MSTO1: variants seen among roughly 807,000 people sequenced by gnomAD.
MSTO1 encodes protein misato homolog 1.
Under a neutral mutation model 55.7 loss-of-function variants are expected in MSTO1, and 24 were observed. The ratio of observed to expected loss-of-function variants is 0.43; its 90% CI spans 0.31 to 0.61. MSTO1 has a LOEUF of 0.61. Among genes scored for constraint, MSTO1 ranks in the 20% least tolerant of loss-of-function variants. The pLI, the probability that MSTO1 is intolerant of heterozygous loss-of-function variation, is 0.09. For synonymous variants in MSTO1, 162 were observed against 252.8 expected, an observed-to-expected ratio of 0.64 and a Z score of 3.41; for missense variants, 363 against 625.7, an observed-to-expected ratio of 0.58 and a Z score of 4.48.
upstream of MSTO1, among the ~76,000 whole-genome samples, chr1:155,607,928 T>C (rs1402872313): frequency 3.3e-5 from 5 of 152,150 alleles, no homozygotes; most frequent in South Asian, 2.1e-4. Context: ...GCCCAAGAGG[T>C]TGAAGCTTCA....
chr1:155,566,708 C>T, the MSTO1 span, among the ~76,000 whole-genome samples: 3 of 151,826 alleles, frequency 2.0e-5, no homozygotes, highest in Admixed American at 6.6e-5. Flanking sequence ...CTCCGCCTCC[C>T]GGGTTCAAGC....
rs779043435 is a variant in MSTO1, at chr1:155,610,233, C to T, written c.-16C>T. ...CGGCGCGGCTGAGGCGCGGCGGCCC[C>T]GTGGAGCAGCGCAGTATGGCGGGCG... On this transcript the variant is annotated 5_prime_UTR_variant, in exon 1 of 14. Coordinates refer to ENST00000245564, the MANE Select transcript of MSTO1 (RefSeq NM_018116.4). 1.5e-5 allele frequency: 9 copies of T among 609,800 alleles called. No individual in the cohort carries two copies. The highest frequency in any genetic ancestry group is 7.6e-5 in the South Asian group (4 of 52,716). The allele number at this position is 609,800 out of a possible 1,614,324, so 37.8% of individuals were successfully genotyped here.
chr1:155,612,788 C>T (rs1320619615), intron 9 of MSTO1, 56 bp from the exon 10 acceptor site: 7 of 1,604,280 alleles, frequency 4.4e-6, no homozygotes, highest in African/African-American at 1.3e-5. Flanking sequence ...TATTCTGCCT[C>T]CACACATTCT....
At chr1:155,589,377 TG>T in the MSTO1 span, among the ~76,000 whole-genome samples, 1 of 151,934 alleles carries the variant, frequency 6.6e-6, no homozygotes, top group Non-Finnish European at 1.5e-5. Context: ...GAGAAAGTTT[TG>T]GTGTTTTTTT....
rs1387160044 is a variant in MSTO1, at chr1:155,613,556, G to A, written c.1378G>A (p.Gly460Arg). 12 of 1,611,330 alleles carry A rather than the reference G, an allele frequency of 7.4e-6. No homozygotes were observed. The South Asian group carries it at 1.1e-4, about 15-fold the overall frequency. The change falls in exon 12 of 14, where the codon GGA (glycine) becomes AGA (arginine). Residue 460 changes from glycine to arginine, a missense_variant. This residue lies in a region of MSTO1 where 231 missense variants were observed against 286.9 expected (regional missense o/e 0.81). Coordinates refer to ENST00000245564, the MANE Select transcript of MSTO1 (RefSeq NM_018116.4). Reference protein sequence around the residue: ...LAQYLQQQQPGVMSSSHLLLT... With the variant: ...LAQYLQQQQPRVMSSSHLLLT... ...TCAGTATTTACAACAGCAGCAGCCTGGAGTCATGAGGTCAGTGTAACGGTT... is the reference window on the plus strand; with the variant it reads ...TCAGTATTTACAACAGCAGCAGCCTAGAGTCATGAGGTCAGTGTAACGGTT...
chr1:155,595,493 T>A, the MSTO1 span, among the ~76,000 whole-genome samples: 1 of 126,988 alleles, frequency 7.9e-6, no homozygotes, highest in Admixed American at 7.6e-5. Flanking sequence ...TTCTTTTTCT[T>A]TTTTTTTTTT....
the MSTO1 span, among the ~76,000 whole-genome samples, chr1:155,587,932 G>A: frequency 8.6e-5 from 13 of 151,960 alleles, no homozygotes; most frequent in South Asian, 1.0e-3. Flanking sequence ...CCAGGTGGGC[G>A]CGGTGGCTCA....
the MSTO1 span, among the ~76,000 whole-genome samples, chr1:155,569,197 G>A: frequency 4.0e-5 from 6 of 151,632 alleles, no homozygotes; most frequent in East Asian, 3.9e-4. Context: ...GTGCAGTAGC[G>A]CGATCTCAGC....
chr1:155,569,224 C>T, the MSTO1 span, among the ~76,000 whole-genome samples: 1 of 151,566 alleles, frequency 6.6e-6, no homozygotes, highest in Non-Finnish European at 1.5e-5. Flanking sequence ...CAAGTTCCAC[C>T]TCCCGGGTTG....
Position 155,612,088 on chromosome 1 carries a change from T to C in MSTO1, c.666T>C (p.Cys222=), listed in dbSNP as rs1278966827. The C allele has an allele frequency of 6.2e-7, 1 of 1,610,614 alleles. No individual in the cohort carries two copies. Among genetic ancestry groups the C allele is most frequent in the Non-Finnish European group, 8.5e-7 (1 of 1,178,478 alleles). Reference sequence around the variant, plus strand: ...GGCTGCATTTCTACGTGGAGGAATGTGACTACTTGCAGGTAGTGGCGTGGC... The same window carrying C: ...GGCTGCATTTCTACGTGGAGGAATGCGACTACTTGCAGGTAGTGGCGTGGC... ...EDRLHFYVEE[C]DYLQGFQILC... is the part of the protein sequence containing the mutation. Residue 222 remains cysteine (C), a synonymous_variant, in exon 7 of 14, where the codon TGT becomes TGC. Transcript: ENST00000245564.
chr1:155,594,091 G>T, the MSTO1 span, among the ~76,000 whole-genome samples: 2 of 151,676 alleles, frequency 1.3e-5, no homozygotes, highest in Non-Finnish European at 2.9e-5. Context: ...GAGACTTGAT[G>T]AATGGGTAAG....
At chr1:155,606,807 C>T (rs1672943277), upstream of MSTO1, among the ~76,000 whole-genome samples, 1 of 152,070 alleles carries the variant, frequency 6.6e-6, no homozygotes, top group Non-Finnish European at 1.5e-5. Flanking sequence ...AGGCATGAGC[C>T]ACTGCAGCCG....
the MSTO1 span, among the ~76,000 whole-genome samples, chr1:155,585,158 T>C: frequency 6.6e-6 from 1 of 152,174 alleles, no homozygotes; most frequent in Non-Finnish European, 1.5e-5. Context: ...TGGTACATAG[T>C]AGGTGCTCAC....
chr1:155,596,968 G>A, the MSTO1 span, among the ~76,000 whole-genome samples: 1 of 152,080 alleles, frequency 6.6e-6, no homozygotes, highest in African/African-American at 2.4e-5. Context: ...TTAGACAGGT[G>A]TGGTGGTGCA....
the MSTO1 span, among the ~76,000 whole-genome samples, chr1:155,603,963 T>A: frequency 2.6e-5 from 4 of 152,308 alleles, no homozygotes; most frequent in East Asian, 7.7e-4. Context: ...AATACAGTCA[T>A]CCTTTTTAAC....
At chr1:155,595,339 G>A in the MSTO1 span, among the ~76,000 whole-genome samples, 5 of 151,920 alleles carry the variant, frequency 3.3e-5, no homozygotes, top group African/African-American at 4.8e-5. Context: ...CACCATGCCT[G>A]GTTAATTTTT....
chr1:155,567,863 C>T, the MSTO1 span, among the ~76,000 whole-genome samples: 2 of 151,160 alleles, frequency 1.3e-5, no homozygotes, highest in African/African-American at 2.4e-5. Context: ...GATGAAACCC[C>T]GTCTCAACTA....
At chr1:155,582,130 G>C in the MSTO1 span, among the ~76,000 whole-genome samples, 1 of 150,684 alleles carries the variant, frequency 6.6e-6, no homozygotes, top group Non-Finnish European at 1.5e-5. Context: ...CTGATCTCAT[G>C]ATCGCCCGCC....
the MSTO1 span, among the ~76,000 whole-genome samples, chr1:155,567,335 G>C: frequency 7.0e-6 from 1 of 142,434 alleles, no homozygotes; most frequent in Non-Finnish European, 1.5e-5. Flanking sequence ...TTTTTGAGAC[G>C]GAGTCTCGTT....
Sources: allele counts gnomAD v4.1 joint callset (sites outside exome capture counted in the v4.1 genomes callset), GRCh38; gene constraint gnomAD v4.1.1; regional missense constraint gnomAD v4.1.1; transcripts MANE v1.5; gene names NCBI Gene and HGNC (gene_info 2026-07-23, HGNC 2026-07-21).